ZP3: variants seen among roughly 807,000 people sequenced by gnomAD.
ZP3 encodes the protein zona pellucida glycoprotein 3.
Under a neutral mutation model 35.6 loss-of-function variants are expected in ZP3, and 21 were observed. The ratio of observed to expected loss-of-function variants is 0.59; its 90% CI spans 0.42 to 0.85. The LOEUF (loss-of-function observed/expected upper bound fraction) is 0.85. Among genes scored for constraint, ZP3 ranks in the 40% least tolerant of loss-of-function variants. The probability of loss-of-function intolerance (pLI) is 0.00; values close to 1 mark genes in which losing one functional copy is unlikely to be tolerated. For synonymous variants in ZP3, 207 were observed against 214.5 expected (o/e 0.96, Z 0.31); for missense variants, 437 against 536.5 (o/e 0.81, Z 1.83).
chr7:76,400,696 C>T (rs552243328), intron 1 of ZP3: 39 of 1,255,076 alleles, frequency 3.1e-5, no homozygotes, highest in South Asian at 3.0e-4. Flanking sequence ...TTGGTAGAGA[C>T]GGGGTCTCAC....
intron 1 of ZP3, chr7:76,400,544 C>A: frequency 6.5e-7 from 1 of 1,536,082 alleles, no homozygotes; most frequent in Non-Finnish European, 8.8e-7. Flanking sequence ...CCGTGCATGA[C>A]TTCCAGGCGG....
At position 76,432,924 on chromosome 7, in the gene ZP3, C is replaced by T. The variant is rs562921132; in HGVS notation, c.432-3C>T. 6.2e-6 allele frequency: 10 copies of T among 1,613,604 alleles called. No individual in the cohort carries two copies. The Admixed American group carries it at 1.7e-4, about 27-fold the overall frequency. On this transcript the variant is annotated splice_polypyrimidine_tract_variant and splice_region_variant and intron_variant, in intron 2 of 7. Transcript: ENST00000394857. ...GTGTGCACAGCTGCTGTTCTTCTCT[C>T]AGGCAGGGCAATGTGAGCAGCCAGG...
Position 76,398,850 on chromosome 7 carries a change from C to G in ZP3, c.-67+1053C>G, listed in dbSNP as rs111380832. The G allele has an allele frequency of 7.2e-4, 1,138 of 1,587,920 alleles. 10 individuals are homozygous for G. In the African/African-American group the frequency reaches 0.014, roughly 19 times the overall value. ...GGTCTTTCTGTTCTCCATCCTCACA[C>G]CACGGGGTGTTTAAGGGGCAGGAGG... is the stretch of plus-strand genomic sequence containing the variant. On this transcript the variant is annotated intron_variant, in intron 1 of 8. Coordinates refer to the ZP3 transcript ENST00000336517.
rs1322352298 is a variant in ZP3, at chr7:76,400,636, C to T, written c.-67+2839C>T. ...GGCACCAGGGGGTCACTGAGTCCAACCTCCAGCATGCCCACTCCAGGATGT... is the reference window on the plus strand; with the variant it reads ...GGCACCAGGGGGTCACTGAGTCCAATCTCCAGCATGCCCACTCCAGGATGT... On this transcript the variant is annotated intron_variant, in intron 1 of 8. Transcript: ENST00000336517. The T allele has an allele frequency of 3.5e-6, 5 of 1,419,462 alleles. No homozygotes were observed. In the African/African-American group the frequency reaches 7.3e-5, roughly 21 times the overall value. 87.9% of individuals were successfully genotyped at this position (1,419,462 alleles called of 1,614,324 possible). A position where few individuals can be genotyped will look rare whatever the true frequency, so the allele number is the denominator to read the frequency against.
chr7:76,431,736 A>G (rs551131983), intron 2 of ZP3, among the ~76,000 whole-genome samples: 1 of 152,236 alleles, frequency 6.6e-6, no homozygotes, highest in South Asian at 2.1e-4. Context: ...CGTCTCTACT[A>G]AAAATACAAA....
At chr7:76,426,066 G>C (rs1260578151) in intron 1 of ZP3, among the ~76,000 whole-genome samples, 1 of 146,262 alleles carries the variant, frequency 6.8e-6, no homozygotes, top group Non-Finnish European at 1.5e-5. Context: ...CTAGGCAACA[G>C]AGCGAGACTC....
At chr7:76,422,189 G>A (rs900573847), upstream of ZP3, among the ~76,000 whole-genome samples, 2 of 151,708 alleles carry the variant, frequency 1.3e-5, no homozygotes, top group African/African-American at 2.4e-5. Context: ...GAGCCACTAC[G>A]CCCGGCCAAT....
chr7:76,401,085 C>T (rs1432393022), intron 1 of ZP3: 53 of 1,505,846 alleles, frequency 3.5e-5, no homozygotes, highest in Non-Finnish European at 4.3e-5. Flanking sequence ...TCTGCCCACA[C>T]CATGGCTCCC....
intron 1 of ZP3, among the ~76,000 whole-genome samples, chr7:76,416,066 G>A (rs1805362829): frequency 6.6e-6 from 1 of 151,838 alleles, no homozygotes; most frequent in Non-Finnish European, 1.5e-5. Flanking sequence ...GGAGGCAGAT[G>A]TTGCAGTGAG....
chr7:76,411,013 A>AAAAAAAAAAAAAAAAG (rs1554623386), intron 1 of ZP3, among the ~76,000 whole-genome samples: 13 of 131,126 alleles, frequency 9.9e-5, no homozygotes, highest in Non-Finnish European at 1.4e-4. Context: ...AAAAAAAAAA[A>AAAAAAAAAAAAAAAAG]AAAAGAAAAG....
intron 1 of ZP3, chr7:76,400,429 A>G (rs775131403): frequency 1.2e-6 from 2 of 1,606,176 alleles, no homozygotes; most frequent in Middle Eastern, 1.7e-4. Context: ...GCCAAAGGCA[A>G]GGGGCCGTGG....
intron 5 of ZP3, among the ~76,000 whole-genome samples, chr7:76,438,427 G>A (rs1349549850): frequency 2.0e-5 from 3 of 152,150 alleles, no homozygotes; most frequent in South Asian, 2.1e-4. Flanking sequence ...GTGTGGTGGT[G>A]GGTACCCGTA....
chr7:76,432,906 C>T, intron 2 of ZP3, 21 bp from the exon 3 acceptor site: 2 of 1,610,300 alleles, frequency 1.2e-6, no homozygotes, highest in Non-Finnish European at 1.7e-6. Context: ...CAGGTGTGCA[C>T]AGCTGCTGTT....
At chr7:76,436,051 T>TCC (rs1290650951) in intron 5 of ZP3, among the ~76,000 whole-genome samples, 1,488 of 64,228 alleles carry the variant, frequency 0.023, 12 homozygotes, top group African/African-American at 0.072. Context: ...TTTTTTTTTT[T>TCC]TTTTTTTTTT....
At chr7:76,435,907 G>A (rs1382161322) in intron 5 of ZP3, among the ~76,000 whole-genome samples, 1 of 151,964 alleles carries the variant, frequency 6.6e-6, no homozygotes, top group African/African-American at 2.4e-5. Context: ...GTATTTCTTA[G>A]TAGAGACAGG....
Position 76,429,601 on chromosome 7 carries a change from C to T in ZP3, c.399C>T (p.Arg133=), listed in dbSNP as rs755810089. The change falls in exon 2 of 8, where the codon CGC becomes CGT. Residue 133 remains arginine (R), a synonymous_variant. Transcript: ENST00000394857. ...ACCTGTCCATCGTGAGGACTAACCG[C>T]GCAGAGATTCCCATCGAGTGCCGCT... The part of the protein sequence containing the change: ...VGNLSIVRTN[R]AEIPIECRYP... 18 of 1,613,976 alleles carry T rather than the reference C, an allele frequency of 1.1e-5. No homozygotes were observed. Among genetic ancestry groups the T allele is most frequent in the African/African-American group, 6.7e-5 (5 of 74,898 alleles).
intron 1 of ZP3, among the ~76,000 whole-genome samples, chr7:76,402,182 A>ATTTTTTT (rs57389874): frequency 1.2e-4 from 15 of 127,218 alleles, no homozygotes; most frequent in Non-Finnish European, 2.2e-4. Flanking sequence ...CTGCCCAGCT[A>ATTTTTTT]TTTTTTTTTT....
intron 1 of ZP3, among the ~76,000 whole-genome samples, chr7:76,402,506 C>T (rs1804865124): frequency 1.3e-5 from 2 of 151,472 alleles, no homozygotes; most frequent in South Asian, 2.1e-4. Flanking sequence ...TTTGTAGAGA[C>T]AGGGGTCTCA....
chr7:76,408,334 T>C (rs1395801012), intron 1 of ZP3, among the ~76,000 whole-genome samples: 1 of 152,072 alleles, frequency 6.6e-6, no homozygotes, highest in South Asian at 2.1e-4. Flanking sequence ...TCACCTTTTG[T>C]CCTCCTTCTG....
Sources: gnomAD v4.1 joint callset for allele counts (sites outside exome capture counted in the v4.1 genomes callset) on GRCh38, gnomAD v4.1.1 for gene constraint, MANE v1.5 for transcripts, NCBI Gene and HGNC (gene_info 2026-07-23, HGNC 2026-07-21) for gene names.